The following CEP350 variants were observed in gnomAD, a reference collection of about 807,000 sequenced individuals.
The protein encoded by CEP350 is centrosome-associated protein 350.
A neutral mutation model predicts 331.8 loss-of-function variants in CEP350; 126 were observed. That is an observed-to-expected ratio of 0.38 (90% confidence interval 0.33 to 0.44). The LOEUF (loss-of-function observed/expected upper bound fraction) is 0.44. Among genes scored for constraint, CEP350 ranks in the 20% least tolerant of loss-of-function variants. The pLI is 1.00. For synonymous variants in CEP350, 1,200 were observed against 1,259.5 expected, an observed-to-expected ratio of 0.95 and a Z score of 1.00; for missense variants, 3,406 against 3,634.6, an observed-to-expected ratio of 0.94 and a Z score of 1.62.
rs756649315 is a variant in CEP350 at position 180,094,519 on chromosome 1, T to C, written c.8414T>C (p.Val2805Ala). The change falls in exon 34 of 38, where the codon GTT becomes GCT. Residue 2805 changes from valine (V) to alanine (A), a missense_variant. Around this residue, in one of 5 missense-constraint regions of CEP350, gnomAD observed 1,415 missense variants for 1,512.3 expected, o/e 0.94. Transcript: ENST00000367607. ...ACACCCCAAGACCTATCCCAAAATGTTGAGGAACAGTCGCCAAGTATTTCA... is the reference window on the plus strand; with the variant it reads ...ACACCCCAAGACCTATCCCAAAATGCTGAGGAACAGTCGCCAAGTATTTCA... ...KVTPQDLSQN[V>A]EEQSPSISGC... 3.1e-6 allele frequency: 5 copies of C among 1,613,762 alleles called. No individual in the cohort carries two copies. The African/African-American group carries it at 6.7e-5, about 22-fold the overall frequency.
intron 14 of CEP350, among the ~76,000 whole-genome samples, chr1:180,026,016 A>G (rs902151766): frequency 2.0e-5 from 3 of 152,206 alleles, no homozygotes; most frequent in Non-Finnish European, 2.9e-5. Context: ...AGAAACCTAT[A>G]TTTAAAAGTA....
chr1:180,062,469 C>T (rs930418125), intron 26 of CEP350, 103 bp downstream of exon 26: 2 of 1,316,126 alleles, frequency 1.5e-6, no homozygotes, highest in East Asian at 2.8e-5. Flanking sequence ...CAGTATGATA[C>T]AATAATGAAC....
intron 6 of CEP350, among the ~76,000 whole-genome samples, chr1:180,000,984 T>A (rs1037444647): frequency 2.0e-5 from 3 of 152,230 alleles, no homozygotes; most frequent in Admixed American, 1.3e-4. Context: ...CTATTGTGCC[T>A]AATAACTGAA....
chr1:180,103,019 A>T (rs1660915717), intron 37 of CEP350, among the ~76,000 whole-genome samples: 1 of 152,194 alleles, frequency 6.6e-6, no homozygotes, highest in African/African-American at 2.4e-5. Context: ...TATGAAAGAG[A>T]GGTGTTCCGA....
Position 180,111,162 on chromosome 1 carries a change from C to T in CEP350, c.*1C>T. 6.2e-7 allele frequency: 1 copy of T among 1,613,484 alleles called. No homozygotes were observed. Among genetic ancestry groups the T allele is most frequent in the Non-Finnish European group, 8.5e-7 (1 of 1,179,478 alleles). On this transcript the variant is annotated 3_prime_UTR_variant, in exon 38 of 38. Transcript: ENST00000367607. ...GCAGGGGAGAATGCTACTTGTGTGA[C>T]ATCTTGCAAATAAATCGAACGCTGA...
rs1035211933 is a variant in CEP350, at chr1:179,955,026, C to T, written c.-130C>T. 3.8e-6 allele frequency: 5 copies of T among 1,331,600 alleles called. No individual in the cohort carries two copies. In the South Asian group the frequency reaches 5.4e-5, roughly 14 times the overall value. 82.5% of individuals were successfully genotyped at this position (1,331,600 alleles called of 1,614,324 possible). A position where few individuals can be genotyped will look rare whatever the true frequency, so the allele number is the denominator to read the frequency against. On this transcript the variant is annotated 5_prime_UTR_variant, in exon 1 of 38. Coordinates refer to ENST00000367607, the MANE Select transcript of CEP350 (RefSeq NM_014810.5). ...GCGAGGAGGGCACCCGGTGCGTCCC[C>T]GGAGCGGGGAGGCCAGGCCGGGCAG...
intron 2 of CEP350, among the ~76,000 whole-genome samples, chr1:179,986,462 T>G (rs1652652770): frequency 6.6e-6 from 1 of 152,230 alleles, no homozygotes; most frequent in Non-Finnish European, 1.5e-5. Flanking sequence ...AGGAATCCTT[T>G]TTTAAAATGA....
At position 180,053,183 on chromosome 1, in the gene CEP350, C is replaced by A; in HGVS notation, c.4989+17C>A. 6.8e-7 allele frequency: 1 copy of A among 1,465,986 alleles called. No individual in the cohort carries two copies. Among genetic ancestry groups the A allele is most frequent in the Non-Finnish European group, 9.2e-7 (1 of 1,088,050 alleles). The allele number at this position is 1,465,986 out of a possible 1,614,324, so 90.8% of individuals were successfully genotyped here. A position where few individuals can be genotyped will look rare whatever the true frequency, so the allele number is the denominator to read the frequency against. On this transcript the variant is annotated intron_variant, in intron 23 of 37. Transcript: ENST00000367607. ...ACTGCCAAGGTGTGTTTCACTTTAT[C>A]TGTGGAGGTAAATGGTTGTGGATAT...
chr1:180,043,009 C>G (rs757832932), intron 19 of CEP350, 47 bp from the exon 20 acceptor site: 6 of 1,578,430 alleles, frequency 3.8e-6, no homozygotes, highest in Non-Finnish European at 5.2e-6. Context: ...AGTTCTCTGA[C>G]CTTACGTTTT....
chr1:179,991,745 A>G (rs1202813252), intron 4 of CEP350, among the ~76,000 whole-genome samples: 1 of 124,940 alleles, frequency 8.0e-6, no homozygotes, highest in African/African-American at 3.1e-5. Context: ...TTAACCTGGG[A>G]GTTTGTTAGG....
intron 1 of CEP350, among the ~76,000 whole-genome samples, chr1:179,975,742 T>G (rs1260929403): frequency 6.6e-6 from 1 of 152,130 alleles, no homozygotes; most frequent in Non-Finnish European, 1.5e-5. Context: ...GTTTTGAACA[T>G]GAAAAATTTG....
At chr1:179,982,777 C>T (rs1652374142) in intron 1 of CEP350, among the ~76,000 whole-genome samples, 1 of 152,074 alleles carries the variant, frequency 6.6e-6, no homozygotes, top group African/African-American at 2.4e-5. Context: ...AAAATATTTT[C>T]ATCAAAAGGA....
At chr1:180,012,762 T>A (rs1299561356) in intron 9 of CEP350, among the ~76,000 whole-genome samples, 4 of 152,226 alleles carry the variant, frequency 2.6e-5, no homozygotes, top group Non-Finnish European at 4.4e-5. Context: ...CATATAGAAG[T>A]CAATGTACAT....
In CEP350 at chr1:180,003,278, C is replaced by A; in HGVS notation, c.1123C>A (p.His375Asn). The stretch of plus-strand genomic sequence containing the variant: ...AGAACTGTATCGAGATTTAGCACTT[C>A]ACTTTGCAGGTGAGAATAGAGCTTT... ...SRELYRDLAL[H>N]FADDISIKEK... Residue 375 changes from histidine (H) to asparagine (N), a missense_variant, in exon 7 of 38, where the codon CAC becomes AAC. This residue lies in a region of CEP350 where 1,857 missense variants were observed against 1,909.2 expected (regional missense o/e 0.97). Coordinates refer to ENST00000367607, the MANE Select transcript of CEP350 (RefSeq NM_014810.5). 2 of 1,602,190 alleles carry A rather than the reference C, an allele frequency of 1.2e-6. No individual in the cohort carries two copies. The highest frequency in any genetic ancestry group is 1.7e-4 in the Middle Eastern group (1 of 6,028).
At chr1:179,988,783 A>G (rs1386791055) in intron 3 of CEP350, among the ~76,000 whole-genome samples, 1 of 151,786 alleles carries the variant, frequency 6.6e-6, no homozygotes, top group Non-Finnish European at 1.5e-5. Context: ...TATTTCAGTG[A>G]TATTTTCTGT....
At chr1:180,004,980 C>CT (rs199987478) in intron 7 of CEP350, among the ~76,000 whole-genome samples, 23 of 132,638 alleles carry the variant, frequency 1.7e-4, no homozygotes, top group African/African-American at 4.8e-4. Flanking sequence ...TTTTAAATTT[C>CT]TTTTTTTTTT....
At chr1:179,998,954 TA>T (rs1443475772) in intron 6 of CEP350, among the ~76,000 whole-genome samples, 7 of 152,104 alleles carry the variant, frequency 4.6e-5, no homozygotes, top group African/African-American at 1.7e-4. Context: ...TAATTAATAA[TA>T]TTTTTTATTA....
At chr1:180,066,138 A>G (rs1047754623) in intron 27 of CEP350, among the ~76,000 whole-genome samples, 6 of 152,208 alleles carry the variant, frequency 3.9e-5, no homozygotes, top group Admixed American at 1.3e-4. Context: ...ACTCCAACTT[A>G]GATATAGCTC....
At chr1:179,971,038 T>C (rs566270600) in intron 1 of CEP350, among the ~76,000 whole-genome samples, 1 of 151,704 alleles carries the variant, frequency 6.6e-6, no homozygotes, top group African/African-American at 2.4e-5. Flanking sequence ...GTTTGTTTTT[T>C]TTTTTTTTGA....
Sources: gnomAD v4.1 joint callset for allele counts (sites outside exome capture counted in the v4.1 genomes callset) on GRCh38, gnomAD v4.1.1 for gene constraint, gnomAD v4.1.1 regional missense constraint, MANE v1.5 for transcripts, NCBI Gene and HGNC (gene_info 2026-07-23, HGNC 2026-07-21) for gene names.